The following PXDN variants were observed in gnomAD, a reference collection of about 807,000 sequenced individuals.
The protein encoded by PXDN is peroxidasin homolog.
Under a neutral mutation model 140.3 loss-of-function variants are expected in PXDN, and 77 were observed. The ratio of observed to expected loss-of-function variants is 0.55; its 90% CI spans 0.46 to 0.66. The LOEUF is 0.66. Ranked by LOEUF, PXDN falls within the 30% of genes least tolerant of loss-of-function variation. The pLI is 0.00. For missense variants in PXDN, 1,838 were observed against 2,039.5 expected (o/e 0.90, Z 1.90); for synonymous variants, 911 against 857.4 (o/e 1.06, Z -1.09).
chr2:1,635,474 G>A lies in PXDN; in HGVS notation c.4254C>T (p.Ala1418=), dbSNP rs746734526. 1.9e-5 allele frequency: 31 copies of A among 1,601,502 alleles called. No individual in the cohort carries two copies. The highest frequency in any genetic ancestry group is 5.6e-5 in the South Asian group (5 of 88,648). The change falls in exon 22 of 23, where the codon GCC becomes GCT. Residue 1418 remains alanine (A), a synonymous_variant. Transcript: ENST00000252804. ...TGTTGTTGGCGTGAGATTCGCCCCC[G>A]GCATCCACGCACTCTGTGGTACTGA... The part of the protein sequence containing the change: ...SRLSTTECVD[A]GGESHANNTK...
chr2:1,741,734 T>C (rs1216836889), intron 1 of PXDN, among the ~76,000 whole-genome samples: 1 of 152,140 alleles, frequency 6.6e-6, no homozygotes, highest in Non-Finnish European at 1.5e-5. Context: ...GCAGGTTTTT[T>C]TTTAAATTTT....
rs1417602700 is a variant in PXDN at position 1,639,813 on chromosome 2, C to T, written c.3953-391G>A. ...TCCCCGATGGCCAGATGACAATCTG[C>T]ACTCTGGAGTGCCTTAAAATTATGC... On this transcript the variant is annotated intron_variant, in intron 19 of 22. Coordinates refer to ENST00000252804, the MANE Select transcript of PXDN (RefSeq NM_012293.3). This position sits in a 1 kb window ranked among gnomAD's most constrained non-coding sequence, Gnocchi z 5.0. 6.6e-6 allele frequency among the ~76,000 whole-genome samples: 1 copy of T among 152,224 alleles called. No homozygotes were observed. The highest frequency in any genetic ancestry group is 2.4e-5 in the African/African-American group (1 of 41,454).
intron 1 of PXDN, among the ~76,000 whole-genome samples, chr2:1,735,300 A>C (rs1347889723): frequency 1.3e-5 from 2 of 152,232 alleles, no homozygotes; most frequent in Admixed American, 1.3e-4. Context: ...ATGGTGTCTA[A>C]AATGATGACT....
chr2:1,636,737 G>T (rs1682570489), intron 21 of PXDN: 1 of 151,994 alleles, frequency 6.6e-6, no homozygotes, highest in African/African-American at 2.4e-5. Flanking sequence ...TGGCACAGGG[G>T]CCAGAGAGCA....
At chr2:1,728,351 A>G (rs1471546221) in intron 1 of PXDN, among the ~76,000 whole-genome samples, 1 of 152,258 alleles carries the variant, frequency 6.6e-6, no homozygotes, top group Non-Finnish European at 1.5e-5. Flanking sequence ...CTGGGCCCTC[A>G]GCACAGAGCC....
intron 19 of PXDN, among the ~76,000 whole-genome samples, chr2:1,642,769 C>T (rs546592545): frequency 1.7e-4 from 26 of 152,340 alleles, no homozygotes; most frequent in East Asian, 5.8e-4. Context: ...AGGCCACTGA[C>T]GCCTCTGCAG....
intron 3 of PXDN, among the ~76,000 whole-genome samples, chr2:1,691,282 G>C (rs906661708): frequency 2.0e-5 from 3 of 152,114 alleles, no homozygotes; most frequent in African/African-American, 7.2e-5. Flanking sequence ...CAATTTTATA[G>C]CAAGTATGTG....
chr2:1,738,357 G>A (rs1685464672), intron 1 of PXDN, among the ~76,000 whole-genome samples: 1 of 152,120 alleles, frequency 6.6e-6, no homozygotes, highest in African/African-American at 2.4e-5. Context: ...GTACTCCTGA[G>A]AGATCACTCG....
chr2:1,683,958 A>T, intron 5 of PXDN, 122 bp downstream of exon 5: 2 of 1,070,080 alleles, frequency 1.9e-6, no homozygotes, highest in Non-Finnish European at 2.7e-6. Context: ...TAGACTAGAA[A>T]TATGGATTTT....
intron 1 of PXDN, among the ~76,000 whole-genome samples, chr2:1,730,498 C>T (rs60283072): frequency 0.25 from 38,354 of 152,082 alleles, 5,241 homozygotes; most frequent in East Asian, 0.62. Flanking sequence ...TTTAGAATTG[C>T]GCTAAGTAAA....
In PXDN at chr2:1,649,633, A is replaced by C; in HGVS notation, c.2147T>G (p.Leu716Arg). ...GGTACAGCCCGACAGGTTTGCGATG[A>C]GGTTCAGGTACTGTGGAGACACCAG... ...NDLVSPQYLN[L>R]IANLSGCTAH... The change falls in exon 17 of 23, where the codon CTC (leucine) becomes CGC (arginine). Residue 716 changes from leucine (L) to arginine (R), a missense_variant. Around this residue, in one of 5 missense-constraint regions of PXDN, gnomAD observed 537 missense variants for 583.9 expected, o/e 0.92. Transcript: ENST00000252804. The surrounding 1 kb of genome is among the most constrained non-coding windows in gnomAD (Gnocchi z 7.1). 6.2e-7 allele frequency: 1 copy of C among 1,613,958 alleles called. No homozygotes were observed. Among genetic ancestry groups the C allele is most frequent in the Non-Finnish European group, 8.5e-7 (1 of 1,179,886 alleles).
chr2:1,678,874 G>A (rs1683794455), intron 7 of PXDN, among the ~76,000 whole-genome samples: 1 of 152,148 alleles, frequency 6.6e-6, no homozygotes, highest in African/African-American at 2.4e-5. Context: ...AGGGGTCTGG[G>A]CCTCTCTTGC....
At chr2:1,696,882 TCA>T (rs1484421000) in intron 1 of PXDN, among the ~76,000 whole-genome samples, 1 of 152,126 alleles carries the variant, frequency 6.6e-6, no homozygotes, top group East Asian at 1.9e-4. Context: ...AGAGACAAGC[TCA>T]GGGCAAGAAG....
chr2:1,644,697 G>C lies in PXDN; in HGVS notation c.3664C>G (p.Leu1222Val), dbSNP rs763588014. Reference sequence around the variant, plus strand: ...GGGCCCAGCCGGCTGCCAGGCACCAGGTCCTCCACCACGAGCGCCGGAAAC... The same window carrying C: ...GGGCCCAGCCGGCTGCCAGGCACCACGTCCTCCACCACGAGCGCCGGAAAC... ...DLFPALVVED[L>V]VPGSRLGPTL... The change falls in exon 18 of 23, where the codon CTG (leucine) becomes GTG (valine). Residue 1222 changes from leucine to valine, a missense_variant. Coordinates refer to ENST00000252804, the MANE Select transcript of PXDN (RefSeq NM_012293.3). 3 of 1,602,708 alleles carry C rather than the reference G, an allele frequency of 1.9e-6. No homozygotes were observed. The highest frequency in any genetic ancestry group is 2.6e-6 in the Non-Finnish European group (3 of 1,172,604).
intron 1 of PXDN, among the ~76,000 whole-genome samples, chr2:1,709,143 C>T (rs1316740279): frequency 2.6e-5 from 4 of 152,182 alleles, no homozygotes; most frequent in Non-Finnish European, 5.9e-5. Context: ...CCCCTGTGCT[C>T]GCCGCTCACT....
At position 1,660,754 on chromosome 2, in the gene PXDN, A is replaced by C; in HGVS notation, c.1837+127T>G. The C allele has an allele frequency of 4.0e-6, 5 of 1,257,036 alleles. No individual in the cohort carries two copies. The highest frequency in any genetic ancestry group is 5.4e-6 in the Non-Finnish European group (5 of 931,554). 77.9% of individuals were successfully genotyped at this position (1,257,036 alleles called of 1,614,324 possible). On this transcript the variant is annotated intron_variant, in intron 14 of 22. Transcript: ENST00000252804. This position sits in a 1 kb window ranked among gnomAD's most constrained non-coding sequence, Gnocchi z 4.6. Reference sequence around the variant, plus strand: ...ATCAGGAGAGTGTCCCCACCTGGGAATCAAGGGTGCTTTGTCTTCTGAATA... The same window carrying C: ...ATCAGGAGAGTGTCCCCACCTGGGACTCAAGGGTGCTTTGTCTTCTGAATA...
chr2:1,646,960 A>C, intron 17 of PXDN, among the ~76,000 whole-genome samples: 1 of 152,154 alleles, frequency 6.6e-6, no homozygotes. Context: ...CAGTAGCGTG[A>C]TCTCGGCTCA....
At position 1,648,668 on chromosome 2, in the gene PXDN, T is replaced by C. The variant is rs1204317794; in HGVS notation, c.3112A>G (p.Ile1038Val). Residue 1038 changes from isoleucine to valine, a missense_variant, in exon 17 of 23, where the codon ATC becomes GTC. Ile to Val is a conservative substitution (Grantham distance 29). Transcript: ENST00000252804. The surrounding 1 kb of genome is among the most constrained non-coding windows in gnomAD (Gnocchi z 8.9). The part of the protein sequence containing the change: ...HITYQHWLPK[I>V]LGEVGMRTLG... ...GTCCTCATGCCCACCTCCCCCAGGA[T>C]CTTCGGGAGCCAGTGCTGGTAGGTG... The C allele has an allele frequency of 1.9e-6, 3 of 1,608,684 alleles. No homozygotes were observed. In the East Asian group the frequency reaches 6.7e-5, roughly 36 times the overall value.
intron 19 of PXDN, 74 bp downstream of exon 19, chr2:1,643,294 T>A: frequency 7.1e-7 from 1 of 1,409,666 alleles, no homozygotes; most frequent in Non-Finnish European, 9.9e-7. Context: ...CATCTGCAGG[T>A]CATTAAGCAC....
Sources: gnomAD v4.1 joint callset for allele counts (sites outside exome capture counted in the v4.1 genomes callset) on GRCh38, gnomAD v4.1.1 for gene constraint, gnomAD v4.1.1 regional missense constraint, Gnocchi (gnomAD v3.1) non-coding constraint, MANE v1.5 for transcripts, NCBI Gene and HGNC (gene_info 2026-07-23, HGNC 2026-07-21) for gene names.